Variants in ALDH1L1 observed in about 807,000 individuals in gnomAD.
The protein encoded by ALDH1L1 is cytosolic 10-formyltetrahydrofolate dehydrogenase.
ALDH1L1 carries 68 observed loss-of-function variants against 101.1 expected under a neutral mutation model. The observed-to-expected ratio is 0.67, with a 90% CI of 0.55 to 0.82. ALDH1L1 has a LOEUF of 0.82. Ranked by LOEUF, ALDH1L1 falls within the 40% of genes least tolerant of loss-of-function variation. ALDH1L1 has a pLI of 0.00. For synonymous variants in ALDH1L1, 486 were observed against 470.8 expected (o/e 1.03, Z -0.42); for missense variants, 1,087 against 1,172.7 (o/e 0.93, Z 1.07).
At chr3:126,154,120 CT>C (rs1188679116) in intron 6 of ALDH1L1, among the ~76,000 whole-genome samples, 3 of 152,300 alleles carry the variant, frequency 2.0e-5, no homozygotes, top group African/African-American at 7.2e-5. Flanking sequence ...CCCGCCACCC[CT>C]GATGCCTCAC....
rs183561436 is a variant in ALDH1L1, at chr3:126,103,641, C to T, written c.*150G>A. 34 of 785,836 alleles carry T rather than the reference C, an allele frequency of 4.3e-5. No individual in the cohort carries two copies. The African/African-American group carries it at 4.8e-4, about 11-fold the overall frequency. 48.7% of individuals were successfully genotyped at this position (785,836 alleles called of 1,614,324 possible). A position where few individuals can be genotyped will look rare whatever the true frequency, so the allele number is the denominator to read the frequency against. On this transcript the variant is annotated 3_prime_UTR_variant, in exon 23 of 23. Coordinates refer to ENST00000393434, the MANE Select transcript of ALDH1L1 (RefSeq NM_012190.4). ...CAGCCAAGGGCTGCTTCTGACTGGA[C>T]AGAGGGCGTCCAAGATGCAGACATG... is the stretch of plus-strand genomic sequence containing the variant.
chr3:126,173,407 T>C (rs369198834), intron 1 of ALDH1L1, among the ~76,000 whole-genome samples: 5 of 152,216 alleles, frequency 3.3e-5, no homozygotes, highest in African/African-American at 7.2e-5. Context: ...TTTAAGTGTA[T>C]ATTGCAAACT....
At chr3:126,123,730 G>A (rs2080125006) in intron 16 of ALDH1L1, among the ~76,000 whole-genome samples, 1 of 151,764 alleles carries the variant, frequency 6.6e-6, no homozygotes, top group African/African-American at 2.4e-5. Context: ...GAAAAGGTAA[G>A]GAAATCCAGG....
chr3:126,154,269 T>C (rs2080862685), intron 6 of ALDH1L1, among the ~76,000 whole-genome samples: 1 of 152,130 alleles, frequency 6.6e-6, no homozygotes, highest in African/African-American at 2.4e-5. Flanking sequence ...GCAAGCCCAG[T>C]GGTGAGACTC....
At position 126,154,660 on chromosome 3, in the gene ALDH1L1, G is replaced by T. The variant is rs2080870894; in HGVS notation, c.631-17C>A. On this transcript the variant is annotated splice_polypyrimidine_tract_variant and intron_variant, in intron 5 of 22. Transcript: ENST00000393434. ...CCAGTTGATCTGTGGGGAGCAAGGT[G>T]TGTGTGCTCAGCTGGTCTCTCCTCA... The T allele has an allele frequency of 6.2e-7, 1 of 1,612,592 alleles. No individual in the cohort carries two copies. The highest frequency in any genetic ancestry group is 8.5e-7 in the Non-Finnish European group (1 of 1,178,866).
chr3:126,183,659 C>A (rs912707513), upstream of ALDH1L1, among the ~76,000 whole-genome samples: 1 of 152,188 alleles, frequency 6.6e-6, no homozygotes, highest in African/African-American at 2.4e-5. Flanking sequence ...CCCTTTGGAG[C>A]AGGCACGTCT....
rs188793630 is a variant in ALDH1L1 at position 126,111,126 on chromosome 3, C to T, written c.2182-1017G>A. On this transcript the variant is annotated intron_variant, in intron 19 of 22. Transcript: ENST00000393434. ...TATTCCTGTGCCGGGCCCATCGTGGCAGTGGGCCTCACTTGGCCGGGCAGG... is the reference window on the plus strand; with the variant it reads ...TATTCCTGTGCCGGGCCCATCGTGGTAGTGGGCCTCACTTGGCCGGGCAGG... Among the ~76,000 whole-genome samples, 536 of 152,388 alleles carry T rather than the reference C, an allele frequency of 3.5e-3. 2 individuals are homozygous for T. Among genetic ancestry groups the T allele is most frequent in the African/African-American group, 0.012 (517 of 41,598 alleles).
At chr3:126,104,116 G>A (rs1301583241) in intron 22 of ALDH1L1, 1 of 536,268 alleles carries the variant, frequency 1.9e-6, no homozygotes, top group Non-Finnish European at 3.3e-6. Flanking sequence ...TGGACAGTGG[G>A]AAGCCCCTTC....
At chr3:126,117,879 A>G (rs2080002758) in intron 17 of ALDH1L1, 126 bp downstream of exon 17, 3 of 952,826 alleles carry the variant, frequency 3.1e-6, no homozygotes, top group Non-Finnish European at 4.8e-6. Context: ...CATAGAGCCC[A>G]GCAGGGCCAC....
In ALDH1L1 at chr3:126,158,418, A is replaced by G. The variant is rs1344599126; in HGVS notation, c.349T>C (p.Ser117Pro). The G allele has an allele frequency of 6.3e-7, 1 of 1,599,312 alleles. No homozygotes were observed. Among genetic ancestry groups the G allele is most frequent in the Non-Finnish European group, 8.5e-7 (1 of 1,170,312 alleles). Reference sequence around the variant, plus strand: ...GCCCCATCTCACCAGTTGATGGCCGAGGCCCCTCGGTGCCTAGGGAGCAGT... The same window carrying G: ...GCCCCATCTCACCAGTTGATGGCCGGGGCCCCTCGGTGCCTAGGGAGCAGT... ...PSLLPRHRGASAINWTLIHGD... is the reference protein window; with the variant it reads ...PSLLPRHRGAPAINWTLIHGD... Residue 117 changes from serine (S) to proline (P), a missense_variant, in exon 3 of 23, where the codon TCG (serine) becomes CCG (proline). Coordinates refer to ENST00000393434, the MANE Select transcript of ALDH1L1 (RefSeq NM_012190.4).
At chr3:126,193,006 T>C (rs2081561659) in intron 1 of ALDH1L1, among the ~76,000 whole-genome samples, 1 of 152,248 alleles carries the variant, frequency 6.6e-6, no homozygotes, top group Middle Eastern at 3.4e-3. Context: ...TGAACACAAT[T>C]TGAATGCTCA....
intron 7 of ALDH1L1, 103 bp downstream of exon 7, chr3:126,153,341 C>T (rs1395591218): frequency 1.9e-6 from 3 of 1,576,804 alleles, no homozygotes; most frequent in Middle Eastern, 3.3e-4. Context: ...TGGTTTTTTC[C>T]ATTTTCTCCA....
chr3:126,173,531 G>A (rs1171645245), intron 1 of ALDH1L1, among the ~76,000 whole-genome samples: 1 of 152,114 alleles, frequency 6.6e-6, no homozygotes, highest in Non-Finnish European at 1.5e-5. Context: ...GCAGAAAAAA[G>A]TGTGGAAGAA....
intron 1 of ALDH1L1, among the ~76,000 whole-genome samples, chr3:126,193,797 A>G (rs1007329578): frequency 2.0e-5 from 3 of 152,352 alleles, no homozygotes; most frequent in Non-Finnish European, 4.4e-5. Flanking sequence ...AAAAAATTTC[A>G]GTATTGGCTG....
intron 20 of ALDH1L1, 134 bp downstream of exon 20, chr3:126,109,810 C>T: frequency 7.7e-7 from 1 of 1,297,092 alleles, no homozygotes; most frequent in Non-Finnish European, 1.1e-6. Context: ...CATCCCAGGT[C>T]CCAGATGGGG....
chr3:126,157,622 G>A (rs1315492265), intron 3 of ALDH1L1, 114 bp from the exon 4 acceptor site: 4 of 1,189,550 alleles, frequency 3.4e-6, no homozygotes, highest in African/African-American at 1.5e-5. Flanking sequence ...CCCAGGGGTA[G>A]GACTGACACC....
upstream of ALDH1L1, chr3:126,180,632 G>T (rs1304092794): frequency 3.8e-6 from 5 of 1,299,976 alleles, no homozygotes; most frequent in Admixed American, 9.6e-5. Flanking sequence ...CCCGTGAGGG[G>T]AGGGGCGCGG....
At position 126,135,515 on chromosome 3, in the gene ALDH1L1, G is replaced by A. The variant is rs906520434; in HGVS notation, c.1472+20C>T. The A allele has an allele frequency of 1.6e-5, 25 of 1,600,002 alleles. No individual in the cohort carries two copies. Among genetic ancestry groups the A allele is most frequent in the Non-Finnish European group, 1.9e-5 (22 of 1,176,232 alleles). On this transcript the variant is annotated intron_variant, in intron 12 of 22. Coordinates refer to ENST00000393434, the MANE Select transcript of ALDH1L1 (RefSeq NM_012190.4). ...AAGCTGATGGTGGCAGTGGCTGGCA[G>A]GTACATGTTGGGCTCCCACCTGTAC...
At chr3:126,163,922 C>T (rs2081111805) in intron 1 of ALDH1L1, among the ~76,000 whole-genome samples, 1 of 152,068 alleles carries the variant, frequency 6.6e-6, no homozygotes, top group African/African-American at 2.4e-5. Context: ...TTGCTAGAGG[C>T]CAGGAGTTCA....
Sources: gnomAD v4.1 joint callset for allele counts (sites outside exome capture counted in the v4.1 genomes callset) on GRCh38, gnomAD v4.1.1 for gene constraint, MANE v1.5 for transcripts, NCBI Gene and HGNC (gene_info 2026-07-23, HGNC 2026-07-21) for gene names.